The following RBPJL variants were observed in gnomAD, a reference collection of about 807,000 sequenced individuals.
RBPJL encodes recombination signal binding protein for immunoglobulin kappa J region like.
In RBPJL, 50 loss-of-function variants were observed where a neutral mutation model predicts 57.6. That is an observed-to-expected ratio of 0.87 (90% CI 0.69 to 1.10). RBPJL has a LOEUF of 1.10. Ranked by LOEUF, RBPJL falls within the 50% of genes least tolerant of loss-of-function variation. The probability of loss-of-function intolerance (pLI) is 0.00; values close to 1 mark genes in which losing one functional copy is unlikely to be tolerated. For synonymous variants in RBPJL, 303 were observed against 294.4 expected, an observed-to-expected ratio of 1.03 and a Z score of -0.30; for missense variants, 684 against 693.7, an observed-to-expected ratio of 0.99 and a Z score of 0.16.
intron 6 of RBPJL, 138 bp downstream of exon 6, chr20:45,312,533 GGAA>G (rs1987238195): frequency 1.2e-6 from 1 of 841,046 alleles, no homozygotes; most frequent in Admixed American, 2.7e-5. Context: ...AGCCGAGAGG[GGAA>G]GGAGTCTGGA....
intron 6 of RBPJL, among the ~76,000 whole-genome samples, chr20:45,313,019 A>T (rs1215739185): frequency 6.6e-6 from 1 of 152,018 alleles, no homozygotes; most frequent in African/African-American, 2.4e-5. Context: ...AAAAAAAAAA[A>T]AAAAAGTTTT....
rs759177723 is a variant in RBPJL at position 45,308,235 on chromosome 20, C to A, written c.115C>A (p.Pro39Thr). The A allele has an allele frequency of 5.1e-5, 83 of 1,613,180 alleles. No individual in the cohort carries two copies. Among genetic ancestry groups the A allele is most frequent in the Non-Finnish European group, 7.0e-5 (83 of 1,179,232 alleles). Residue 39 changes from proline (P) to threonine (T), a missense_variant, in exon 2 of 12, where the codon CCG becomes ACG. By Grantham distance (38) the Pro-to-Thr change is conservative. Coordinates refer to ENST00000343694, the MANE Select transcript of RBPJL (RefSeq NM_014276.4). ...LQSEADRRSL[P>T]GTWTRSSPEH... Reference sequence around the variant, plus strand: ...GAGCGAAGCCGACAGGCGGAGCCTCCCGGGCACTTGGACCAGGTAACGGCG... The same window carrying A: ...GAGCGAAGCCGACAGGCGGAGCCTCACGGGCACTTGGACCAGGTAACGGCG...
rs11907224 is a variant in RBPJL, at chr20:45,308,318, G to A, written c.131+67G>A. The A allele has an allele frequency of 1.2e-4, 131 of 1,097,650 alleles. 2 individuals are homozygous for A. The African/African-American group carries it at 1.8e-3, about 15-fold the overall frequency. The allele number at this position is 1,097,650 out of a possible 1,614,324, so 68.0% of individuals were successfully genotyped here. ...GGCAGCTGGAGCACACAGAGGCAAC[G>A]GCCGCATTTAACCCAGGGCTGGCGG... On this transcript the variant is annotated intron_variant, in intron 2 of 11. Transcript: ENST00000343694.
At chr20:45,312,061 C>G in intron 5 of RBPJL, 107 bp downstream of exon 5, 1 of 1,420,960 alleles carries the variant, frequency 7.0e-7, no homozygotes, top group Non-Finnish European at 9.8e-7. Context: ...GGTGGGGAGA[C>G]CGGGAGGCCG....
intron 1 of RBPJL, 149 bp downstream of exon 1, chr20:45,307,093 C>T (rs1986774484): frequency 4.3e-6 from 2 of 461,638 alleles, no homozygotes; most frequent in Non-Finnish European, 3.6e-6. Context: ...GAACCTAGGG[C>T]TCCTGGTTCC....
At position 45,316,354 on chromosome 20, in the gene RBPJL, C is replaced by A. The variant is rs754005201; in HGVS notation, c.1176+12C>A. ...TCAGCACCCTAGAGGTGAAGCCGGG[C>A]GCTAGGGGCGTTGGGCAGGGGGACC... On this transcript the variant is annotated intron_variant, in intron 10 of 11. Coordinates refer to ENST00000343694, the MANE Select transcript of RBPJL (RefSeq NM_014276.4). The A allele has an allele frequency of 8.1e-6, 13 of 1,612,884 alleles. No homozygotes were observed. The Admixed American group carries it at 1.5e-4, about 19-fold the overall frequency.
intron 9 of RBPJL, among the ~76,000 whole-genome samples, chr20:45,315,603 T>C (rs1426425129): frequency 6.6e-6 from 1 of 151,634 alleles, no homozygotes; most frequent in East Asian, 1.9e-4. Flanking sequence ...TATTTGGGCG[T>C]GGTGGCTGGC....
At chr20:45,308,120 G>A (rs775926554) in intron 1 of RBPJL, 23 bp from the exon 2 acceptor site, 2 of 1,563,536 alleles carry the variant, frequency 1.3e-6, no homozygotes, top group Non-Finnish European at 1.8e-6. Flanking sequence ...GCCTGACCTG[G>A]CTTGATGCCT....
Position 45,313,581 on chromosome 20 carries a change from T to C in RBPJL, c.733T>C (p.Trp245Arg). Residue 245 changes from tryptophan to arginine, a missense_variant, in exon 7 of 12, where the codon TGG (tryptophan) becomes CGG (arginine). By Grantham distance (101) the Trp-to-Arg change is moderately radical. Transcript: ENST00000343694. ...DGAFVASARQ[W>R]AAFTLHLADG... The stretch of plus-strand genomic sequence containing the variant: ...GGCCTTTGTGGCCAGTGCACGACAG[T>C]GGGCTGCCTTCACGCTCCACCTGGG... 1 of 1,611,782 alleles carries C rather than the reference T, an allele frequency of 6.2e-7. No homozygotes were observed. The highest frequency in any genetic ancestry group is 8.5e-7 in the Non-Finnish European group (1 of 1,178,698).
intron 1 of RBPJL, among the ~76,000 whole-genome samples, chr20:45,307,258 AG>A (rs1986796619): frequency 6.6e-6 from 1 of 152,088 alleles, no homozygotes; most frequent in Admixed American, 6.5e-5. Context: ...CTAACCCAAC[AG>A]CAGCTCCGCC....
intron 9 of RBPJL, among the ~76,000 whole-genome samples, chr20:45,314,835 C>G (rs1182528330): frequency 6.6e-6 from 1 of 152,096 alleles, no homozygotes; most frequent in Non-Finnish European, 1.5e-5. Context: ...GTAATCCCAG[C>G]ACTTTGCGAG....
intron 8 of RBPJL, 50 bp from the exon 9 acceptor site, chr20:45,314,363 G>A (rs1347006969): frequency 6.3e-7 from 1 of 1,588,368 alleles, no homozygotes; most frequent in Middle Eastern, 1.8e-4. Flanking sequence ...GGCAGCCTCT[G>A]GACGCCCGGG....
rs896064242 is a variant in RBPJL, at chr20:45,317,527, G to A, written c.*568G>A. 6.5e-6 allele frequency: 1 copy of A among 153,244 alleles called. No individual in the cohort carries two copies. Among genetic ancestry groups the A allele is most frequent in the African/African-American group, 2.4e-5 (1 of 41,450 alleles). The allele number at this position is 153,244 out of a possible 1,614,324, so 9.5% of individuals were successfully genotyped here. On this transcript the variant is annotated 3_prime_UTR_variant, in exon 12 of 12. Transcript: ENST00000343694. ...CACCTGGAGCACCGGGTCTCTCTAA[G>A]TCTCACCTGGGGAATTCGGTCCCAC...
intron 2 of RBPJL, 140 bp downstream of exon 2, chr20:45,308,391 G>A: frequency 1.6e-6 from 1 of 619,866 alleles, no homozygotes; most frequent in South Asian, 1.9e-5. Context: ...GGCAGGGAGG[G>A]ATCCCCCCTT....
chr20:45,308,201 G>T lies in RBPJL; in HGVS notation c.81G>T (p.Met27Ile), dbSNP rs148047841. ...THLSLQDRSEMQLQSEADRRS... is the reference protein window; with the variant it reads ...THLSLQDRSEIQLQSEADRRS... ...TGAGCCTGCAGGACAGATCAGAGAT[G>T]CAGCTGCAGAGCGAAGCCGACAGGC... is the stretch of plus-strand genomic sequence containing the variant. The change falls in exon 2 of 12, where the codon ATG becomes ATT. Residue 27 changes from methionine to isoleucine, a missense_variant. By Grantham distance (10) the Met-to-Ile change is conservative. Transcript: ENST00000343694. 1.0e-4 allele frequency: 162 copies of T among 1,614,016 alleles called. No homozygotes were observed. Among genetic ancestry groups the T allele is most frequent in the Non-Finnish European group, 1.3e-4 (156 of 1,179,976 alleles).
Position 45,311,597 on chromosome 20 carries a change from GC to G in RBPJL, c.272del (p.Pro91ArgfsTer13), listed in dbSNP as rs761146769. 22 of 1,614,018 alleles carry G rather than the reference GC, an allele frequency of 1.4e-5. 1 individual carries two copies. The East Asian group carries it at 3.8e-4, about 28-fold the overall frequency. On this transcript the variant is annotated frameshift_variant, in exon 4 of 12. Coordinates refer to ENST00000343694, the MANE Select transcript of RBPJL (RefSeq NM_014276.4). LOFTEE classifies it high-confidence loss of function. Reference protein sequence around the residue: ...KSYGNEKRFFCPPPCVYLSGP... With the variant: ...KSYGNEKRFFXPPPCVYLSGP... ...CTCACTTATCTCCGCAGGTTCTTCT[GC>G]CCCCCGCCCTGTGTCTACCTCTCGG... is the stretch of plus-strand genomic sequence containing the variant.
rs779314396 is a variant in RBPJL, at chr20:45,307,652, C to G, written c.23-491C>G. On this transcript the variant is annotated intron_variant, in intron 1 of 11. Transcript: ENST00000343694. ...TCTGAGCCAACTTCTCACCTGGCAC[C>G]CTGCCTCCACCCCAGGAATCCTAGA... is the stretch of plus-strand genomic sequence containing the variant. Among the ~76,000 whole-genome samples, 22 of 152,338 alleles carry G rather than the reference C, an allele frequency of 1.4e-4. 1 individual carries two copies. The highest frequency in any genetic ancestry group is 2.6e-4 in the Non-Finnish European group (18 of 68,034).
At position 45,317,028 on chromosome 20, in the gene RBPJL, T is replaced by C; in HGVS notation, c.*69T>C. The C allele has an allele frequency of 6.5e-7, 1 of 1,531,138 alleles. No homozygotes were observed. The allele number at this position is 1,531,138 out of a possible 1,614,324, so 94.8% of individuals were successfully genotyped here. A position where few individuals can be genotyped will look rare whatever the true frequency, so the allele number is the denominator to read the frequency against. The stretch of plus-strand genomic sequence containing the variant: ...CGCGCCAGGCGCGGGGACGTGTTTC[T>C]GGGTTCTAGGCCCTGCTTCCTTGCC... On this transcript the variant is annotated 3_prime_UTR_variant, in exon 12 of 12. Coordinates refer to ENST00000343694, the MANE Select transcript of RBPJL (RefSeq NM_014276.4).
chr20:45,315,815 AAGAAAGAAAAGAAAG>A (rs1403703949), intron 9 of RBPJL: 75 of 171,916 alleles, frequency 4.4e-4, no homozygotes, highest in Middle Eastern at 2.6e-3. Context: ...AAAAGAAAGA[AAGAAAGAAAAGAAAG>A]AGAAAGAAAA....
Sources: allele counts gnomAD v4.1 joint callset (sites outside exome capture counted in the v4.1 genomes callset), GRCh38; gene constraint gnomAD v4.1.1; transcripts MANE v1.5; gene names NCBI Gene and HGNC (gene_info 2026-07-23, HGNC 2026-07-21).